Variants in LRMDA observed in about 807,000 individuals in gnomAD.
LRMDA encodes leucine-rich melanocyte differentiation-associated protein.
A neutral mutation model predicts 29.8 loss-of-function variants in LRMDA; 18 were observed. The ratio of observed to expected loss-of-function variants is 0.60; its 90% CI spans 0.42 to 0.90. The LOEUF (loss-of-function observed/expected upper bound fraction) is 0.90, where lower values mean the gene tolerates loss of function less well. Among genes scored for constraint, LRMDA ranks in the 40% least tolerant of loss-of-function variants. The probability of loss-of-function intolerance (pLI) is 0.00; values close to 1 mark genes in which losing one functional copy is unlikely to be tolerated. For synonymous variants in LRMDA, 125 were observed against 109.4 expected (o/e 1.14, Z -0.89); for missense variants, 273 against 273.9 (o/e 1.00, Z 0.02).
chr10:75,782,763 T>C (rs1843405384), intron 2 of LRMDA: 6 of 1,392,992 alleles, frequency 4.3e-6, no homozygotes, highest in African/African-American at 1.5e-5. Flanking sequence ...TGCTGACTGT[T>C]GAAGAAAGAG....
At chr10:76,428,060 A>G (rs150762391) in intron 6 of LRMDA, among the ~76,000 whole-genome samples, 1,879 of 152,166 alleles carry the variant, frequency 0.012, 27 homozygotes, top group African/African-American at 0.043. Context: ...TTGGTCTAAA[A>G]TTCTCTTTTT....
chr10:76,246,576 C>T (rs1852382109), intron 5 of LRMDA, among the ~76,000 whole-genome samples: 1 of 152,200 alleles, frequency 6.6e-6, no homozygotes, highest in African/African-American at 2.4e-5. Flanking sequence ...CCACACCTGA[C>T]TGTGGGACAG....
At chr10:75,763,239 C>A (rs886292698) in intron 2 of LRMDA, among the ~76,000 whole-genome samples, 3 of 151,996 alleles carry the variant, frequency 2.0e-5, no homozygotes, top group Non-Finnish European at 4.4e-5. Flanking sequence ...TTAATCTTTC[C>A]TTGACAATGA....
chr10:76,473,440 C>G (rs538534576), intron 6 of LRMDA, among the ~76,000 whole-genome samples: 2 of 151,364 alleles, frequency 1.3e-5, no homozygotes, highest in African/African-American at 2.4e-5. Flanking sequence ...TGTTTTCCCC[C>G]CTATGATCAG....
rs150062726 is a variant in LRMDA, at chr10:76,554,182, C to A, written c.602-3027C>A. Among the ~76,000 whole-genome samples the A allele has an allele frequency of 8.7e-3, 1,325 of 152,304 alleles. 15 individuals carry two copies. The highest frequency in any genetic ancestry group is 0.015 in the Non-Finnish European group (1,001 of 68,022). On this transcript the variant is annotated intron_variant, in intron 6 of 6. Coordinates refer to ENST00000611255, the MANE Select transcript of LRMDA (RefSeq NM_001305581.2). ...GTTCTGCAGGGGCAGGCAGAGACGA[C>A]CCCAAGTGATGGGGAGTGATGTCAG...
chr10:76,524,089 T>C (rs1431601477), intron 6 of LRMDA, among the ~76,000 whole-genome samples: 23 of 152,250 alleles, frequency 1.5e-4, no homozygotes, highest in Admixed American at 1.5e-3. Context: ...ATGCAGGCAC[T>C]GCAGTTGTTT....
At chr10:76,130,290 T>C (rs1015381095) in intron 5 of LRMDA, among the ~76,000 whole-genome samples, 3 of 152,198 alleles carry the variant, frequency 2.0e-5, no homozygotes, top group Non-Finnish European at 4.4e-5. Flanking sequence ...TGCTAGCCCA[T>C]CAAGTTATTA....
chr10:76,127,207 A>T (rs1410963043), intron 5 of LRMDA, among the ~76,000 whole-genome samples: 1 of 152,220 alleles, frequency 6.6e-6, no homozygotes, highest in Admixed American at 6.5e-5. Flanking sequence ...AGATGATCTT[A>T]ATAAGTATGT....
chr10:75,967,741 C>T (rs1437755266), intron 2 of LRMDA, among the ~76,000 whole-genome samples: 2 of 151,406 alleles, frequency 1.3e-5, no homozygotes, highest in African/African-American at 4.9e-5. Flanking sequence ...AAGGTCAGGA[C>T]ACAGAGCTGG....
chr10:76,311,409 G>A (rs1215449985), intron 5 of LRMDA, among the ~76,000 whole-genome samples: 1 of 151,978 alleles, frequency 6.6e-6, no homozygotes, highest in Non-Finnish European at 1.5e-5. Context: ...CCTTGTTTAG[G>A]TTTCCATTTC....
At chr10:76,443,300 C>A (rs140344260) in intron 6 of LRMDA, among the ~76,000 whole-genome samples, 1 of 152,176 alleles carries the variant, frequency 6.6e-6, no homozygotes, top group African/African-American at 2.4e-5. Context: ...AAATGCTTAC[C>A]GTTCAAGTTG....
chr10:76,003,042 C>T (rs1028926309), intron 2 of LRMDA, among the ~76,000 whole-genome samples: 4 of 152,070 alleles, frequency 2.6e-5, no homozygotes, highest in Non-Finnish European at 4.4e-5. Context: ...GAGTTTTGTG[C>T]CTGGGATGGA....
intron 6 of LRMDA, among the ~76,000 whole-genome samples, chr10:76,426,740 A>C (rs1186503996): frequency 6.6e-6 from 1 of 152,202 alleles, no homozygotes; most frequent in Non-Finnish European, 1.5e-5. Context: ...TTTTAGGTCT[A>C]ACATTTAAGT....
At chr10:76,253,675 C>G (rs1281026791) in intron 5 of LRMDA, among the ~76,000 whole-genome samples, 1 of 152,096 alleles carries the variant, frequency 6.6e-6, no homozygotes, top group East Asian at 1.9e-4. Context: ...TTTTTAGAAT[C>G]TTCTGTTCCT....
intron 5 of LRMDA, among the ~76,000 whole-genome samples, chr10:76,126,625 T>A (rs1849888851): frequency 6.6e-6 from 1 of 152,224 alleles, no homozygotes; most frequent in African/African-American, 2.4e-5. Flanking sequence ...TCCACTTCTG[T>A]ACCCACACTA....
chr10:76,094,481 A>G (rs1849282910), intron 5 of LRMDA, among the ~76,000 whole-genome samples: 1 of 152,142 alleles, frequency 6.6e-6, no homozygotes, highest in South Asian at 2.1e-4. Flanking sequence ...AATAGAATAG[A>G]TGAATTTAAT....
At chr10:76,245,230 A>C (rs1852353275) in intron 5 of LRMDA, among the ~76,000 whole-genome samples, 1 of 152,162 alleles carries the variant, frequency 6.6e-6, no homozygotes. Context: ...CCAGGGGAGA[A>C]CTAGAGATGT....
intron 5 of LRMDA, among the ~76,000 whole-genome samples, chr10:76,205,473 A>G (rs554682433): frequency 6.6e-6 from 1 of 152,320 alleles, no homozygotes; most frequent in East Asian, 1.9e-4. Context: ...CTGGAAATCC[A>G]AAGAGTTGCT....
intron 2 of LRMDA, among the ~76,000 whole-genome samples, chr10:75,676,959 G>C (rs1472754440): frequency 6.6e-6 from 1 of 152,006 alleles, no homozygotes; most frequent in Admixed American, 6.5e-5. Flanking sequence ...GGTACCACCA[G>C]GTCTACCCTT....
Sources: gnomAD v4.1 joint callset for allele counts (sites outside exome capture counted in the v4.1 genomes callset) on GRCh38, gnomAD v4.1.1 for gene constraint, MANE v1.5 for transcripts, NCBI Gene and HGNC (gene_info 2026-07-23, HGNC 2026-07-21) for gene names.